Variants in PTPRF observed in about 807,000 individuals in gnomAD.
The protein encoded by PTPRF is protein tyrosine phosphatase receptor type F, also known as receptor-type tyrosine-protein phosphatase F.
A neutral mutation model predicts 201.8 loss-of-function variants in PTPRF; 59 were observed. That is an observed-to-expected ratio of 0.29 (90% confidence interval 0.24 to 0.36). The LOEUF is 0.36. PTPRF is among the 10% of genes least tolerant of loss of function. PTPRF has a pLI of 1.00. For synonymous variants in PTPRF, 1,088 were observed against 1,089.7 expected, an observed-to-expected ratio of 1.00 and a Z score of 0.03; for missense variants, 2,132 against 2,690.5, an observed-to-expected ratio of 0.79 and a Z score of 4.59.
intron 7 of PTPRF, among the ~76,000 whole-genome samples, chr1:43,581,235 A>T (rs894480518): frequency 2.0e-5 from 3 of 152,138 alleles, no homozygotes; most frequent in African/African-American, 4.8e-5. Context: ...GCTCTTCTTG[A>T]ATCTACCCTT....
At chr1:43,614,565 T>C (rs1383661280) in intron 23 of PTPRF, among the ~76,000 whole-genome samples, 1 of 152,112 alleles carries the variant, frequency 6.6e-6, no homozygotes, top group Non-Finnish European at 1.5e-5. Flanking sequence ...AAGACAAGAC[T>C]CCTGGCCAGG....
intron 22 of PTPRF, among the ~76,000 whole-genome samples, chr1:43,610,827 G>A (rs940762063): frequency 3.3e-5 from 5 of 152,192 alleles, no homozygotes; most frequent in African/African-American, 7.2e-5. Context: ...TCGTACCATC[G>A]CATTCCAGCC....
In PTPRF at chr1:43,605,325, G is replaced by A; in HGVS notation, c.3271G>A (p.Val1091Met). ...GSSAGGLQHLVSIRTAPDLLP... is the reference protein window; with the variant it reads ...GSSAGGLQHLMSIRTAPDLLP... ...CAGCGCAGGGGGCCTGCAGCACCTG[G>A]TGTCCATCCGCACAGCCCCCGACCT... is the stretch of plus-strand genomic sequence containing the variant. The change falls in exon 18 of 34, where the codon GTG (valine) becomes ATG (methionine). Residue 1091 changes from valine (V) to methionine (M), a missense_variant. This residue lies in a region of PTPRF where 818 missense variants were observed against 915.3 expected (regional missense o/e 0.89). Transcript: ENST00000359947. The A allele has an allele frequency of 6.2e-7, 1 of 1,613,764 alleles. No individual in the cohort carries two copies. The highest frequency in any genetic ancestry group is 8.5e-7 in the Non-Finnish European group (1 of 1,179,918).
intron 7 of PTPRF, among the ~76,000 whole-genome samples, chr1:43,584,095 G>A (rs1004696718): frequency 5.3e-5 from 8 of 152,122 alleles, no homozygotes; most frequent in South Asian, 4.1e-4. Context: ...TTGGTTTTCC[G>A]CCCCACCCTT....
chr1:43,556,450 C>T (rs11587426), intron 5 of PTPRF, among the ~76,000 whole-genome samples: 57,890 of 151,978 alleles, frequency 0.38, 11,284 homozygotes, highest in East Asian at 0.51. Context: ...TTAGTAGAGA[C>T]GGGGTTTCAC....
intron 11 of PTPRF, among the ~76,000 whole-genome samples, chr1:43,596,499 A>C (rs1357767416): frequency 6.6e-6 from 1 of 152,162 alleles, no homozygotes; most frequent in Admixed American, 6.5e-5. Flanking sequence ...ACAAGGAGAC[A>C]CGTGTCTGCC....
At chr1:43,589,141 C>T in intron 8 of PTPRF, 141 bp downstream of exon 8, 1 of 994,168 alleles carries the variant, frequency 1.0e-6, no homozygotes, top group Non-Finnish European at 1.4e-6. Flanking sequence ...GCCCTGGGGT[C>T]CTCCAGCCCT....
chr1:43,544,865 G>A (rs74071961), intron 2 of PTPRF, among the ~76,000 whole-genome samples, 166 bp from the exon 3 acceptor site: 4,243 of 152,098 alleles, frequency 0.028, 190 homozygotes, highest in African/African-American at 0.096. Flanking sequence ...GTGGTCACTG[G>A]GGTCAGAAGG....
upstream of PTPRF, among the ~76,000 whole-genome samples, chr1:43,523,435 A>T (rs1643010997): frequency 6.6e-6 from 1 of 152,168 alleles, no homozygotes; most frequent in Non-Finnish European, 1.5e-5. Context: ...GGACAGGAGC[A>T]CTTGATGGAT....
chr1:43,530,621 G>C (rs1643350180), upstream of PTPRF, among the ~76,000 whole-genome samples: 1 of 152,188 alleles, frequency 6.6e-6, no homozygotes, highest in Non-Finnish European at 1.5e-5. The surrounding 1 kb of genome is among the most constrained non-coding windows in gnomAD (Gnocchi z 4.1). Context: ...GTTCATGCTA[G>C]GGCTGGGAGC....
At chr1:43,592,023 G>T (rs890830519) in intron 10 of PTPRF, 75 bp downstream of exon 10, 1 of 1,581,658 alleles carries the variant, frequency 6.3e-7, no homozygotes, top group Non-Finnish European at 8.6e-7. Flanking sequence ...ACCCAGGAGG[G>T]TATTTTCTGG....
intron 7 of PTPRF, among the ~76,000 whole-genome samples, chr1:43,583,978 C>A (rs953197172): frequency 6.6e-6 from 1 of 152,188 alleles, no homozygotes; most frequent in Admixed American, 6.5e-5. Context: ...TGCAACTTAG[C>A]AGGATCCATA....
rs1569796377 is a variant in PTPRF at position 43,553,847 on chromosome 1, A to C, written c.285A>C (p.Pro95=). The change falls in exon 5 of 34, where the codon CCA becomes CCC. Residue 95 remains proline (P), a synonymous_variant. Transcript: ENST00000359947. The surrounding 1 kb of genome is among the most constrained non-coding windows in gnomAD (Gnocchi z 4.1). ...CAGGGTCAGTGCTTCGGATCCAGCC[A>C]TTGCGGGTGCAGCGAGATGAAGCCA... is the stretch of plus-strand genomic sequence containing the variant. The part of the protein sequence containing the change: ...DGAGSVLRIQ[P]LRVQRDEAIY... 6.2e-7 allele frequency: 1 copy of C among 1,614,208 alleles called. No individual in the cohort carries two copies. The highest frequency in any genetic ancestry group is 1.3e-5 in the African/African-American group (1 of 75,056).
chr1:43,620,096 C>G lies in PTPRF; in HGVS notation c.5113C>G (p.Gln1705Glu). ...TGTCCAGTCTTATGTCCACCCCAGA[C>G]AGCAGAAGGCCTACATAGCTACACA... ...INASFLDGYR[Q>E]QKAYIATQGP... is the part of the protein sequence containing the mutation. Residue 1705 changes from glutamine (Q) to glutamate (E), a missense_variant and splice_region_variant, in exon 30 of 34, where the codon CAG becomes GAG. Coordinates refer to ENST00000359947, the MANE Select transcript of PTPRF (RefSeq NM_002840.5). 1 of 1,614,016 alleles carries G rather than the reference C, an allele frequency of 6.2e-7. No homozygotes were observed. Among genetic ancestry groups the G allele is most frequent in the Non-Finnish European group, 8.5e-7 (1 of 1,179,916 alleles).
chr1:43,558,137 G>A (rs1419208756), intron 5 of PTPRF, among the ~76,000 whole-genome samples: 2 of 152,200 alleles, frequency 1.3e-5, no homozygotes, highest in Non-Finnish European at 2.9e-5. Context: ...AGGAGGGCTG[G>A]GGAGGGGATG....
chr1:43,584,174 G>A (rs1457934274), intron 7 of PTPRF, among the ~76,000 whole-genome samples: 1 of 152,140 alleles, frequency 6.6e-6, no homozygotes, highest in Non-Finnish European at 1.5e-5. Context: ...GTATCACATG[G>A]TCTGTGTGGT....
At chr1:43,559,409 C>CT (rs752665081) in intron 5 of PTPRF, among the ~76,000 whole-genome samples, 6 of 152,038 alleles carry the variant, frequency 3.9e-5, no homozygotes, top group Non-Finnish European at 7.4e-5. Flanking sequence ...GCTATGTATA[C>CT]AGCAAGGCAT....
chr1:43,529,677 G>T (rs1643286105), upstream of PTPRF, among the ~76,000 whole-genome samples: 1 of 152,116 alleles, frequency 6.6e-6, no homozygotes, highest in Non-Finnish European at 1.5e-5. Context: ...TGTGGCTTTG[G>T]CTGACTCTTA....
chr1:43,589,537 A>G (rs1016780291), intron 8 of PTPRF, among the ~76,000 whole-genome samples: 1 of 151,978 alleles, frequency 6.6e-6, no homozygotes, highest in African/African-American at 2.4e-5. Flanking sequence ...ACAGGCACAC[A>G]TGTATTACAC....
Sources: gnomAD v4.1 joint callset for allele counts (sites outside exome capture counted in the v4.1 genomes callset) on GRCh38, gnomAD v4.1.1 for gene constraint, gnomAD v4.1.1 regional missense constraint, Gnocchi (gnomAD v3.1) non-coding constraint, MANE v1.5 for transcripts, NCBI Gene and HGNC (gene_info 2026-07-23, HGNC 2026-07-21) for gene names.